SMIM13: variants seen among roughly 807,000 people sequenced by gnomAD.
SMIM13 encodes small integral membrane protein 13.
SMIM13 carries 3 observed loss-of-function variants against 5.9 expected under a neutral mutation model. The observed-to-expected ratio is 0.51, with a 90% confidence interval of 0.23 to 1.31. The LOEUF is 1.31. Ranked by LOEUF, SMIM13 falls within the 40% of genes most tolerant of loss-of-function variation. The pLI, the probability that SMIM13 is intolerant of heterozygous loss-of-function variation, is 0.18. For synonymous variants in SMIM13, 55 were observed against 46.0 expected, an observed-to-expected ratio of 1.19 and a Z score of -0.79; for missense variants, 85 against 109.9, an observed-to-expected ratio of 0.77 and a Z score of 1.01.
chr6:11,122,083 G>A (rs1238365344), intron 1 of SMIM13, among the ~76,000 whole-genome samples: 1 of 152,160 alleles, frequency 6.6e-6, no homozygotes, highest in Non-Finnish European at 1.5e-5. Flanking sequence ...TTCACTGGCA[G>A]CAGCACTCAT....
intron 1 of SMIM13, among the ~76,000 whole-genome samples, chr6:11,095,805 T>G (rs1757915905): frequency 6.6e-6 from 1 of 152,230 alleles, no homozygotes; most frequent in Non-Finnish European, 1.5e-5. Flanking sequence ...ATTAGAATAT[T>G]GAACTAATTG....
chr6:11,133,428 G>A (rs1481823229), intron 1 of SMIM13, among the ~76,000 whole-genome samples: 1 of 152,078 alleles, frequency 6.6e-6, no homozygotes, highest in Non-Finnish European at 1.5e-5. Flanking sequence ...CTCCCCTTAC[G>A]TATCTGTTTA....
Position 11,127,659 on chromosome 6 carries a change from T to G in SMIM13, c.77-6744T>G, listed in dbSNP as rs574173963. On this transcript the variant is annotated intron_variant, in intron 1 of 1. Transcript: ENST00000416247. ...AGGAAGACGCAAAAGTGGAAACCTC[T>G]GATAAAACCATCAGATCTCGTGAGA... 1.7e-3 allele frequency among the ~76,000 whole-genome samples: 264 copies of G among 152,328 alleles called. 3 individuals are homozygous for G. Among genetic ancestry groups the G allele is most frequent in the African/African-American group, 5.9e-3 (246 of 41,568 alleles).
At chr6:11,108,986 T>C (rs2113648485) in intron 1 of SMIM13, among the ~76,000 whole-genome samples, 1 of 152,338 alleles carries the variant, frequency 6.6e-6, no homozygotes, top group East Asian at 1.9e-4. Flanking sequence ...CTTTCATTCC[T>C]TCTATCAGAT....
intron 1 of SMIM13, chr6:11,103,914 G>T: frequency 1.3e-6 from 2 of 1,551,650 alleles, no homozygotes; most frequent in Non-Finnish European, 1.7e-6. Context: ...ACCCTGAGTG[G>T]CTCGTTCCCG....
intron 1 of SMIM13, among the ~76,000 whole-genome samples, chr6:11,129,465 G>C (rs1758422602): frequency 1.3e-5 from 2 of 152,170 alleles, no homozygotes; most frequent in African/African-American, 4.8e-5. Flanking sequence ...TTTTGCTATT[G>C]TGAATAGTTC....
At chr6:11,133,475 G>A (rs1278676179) in intron 1 of SMIM13, among the ~76,000 whole-genome samples, 1 of 152,148 alleles carries the variant, frequency 6.6e-6, no homozygotes, top group Non-Finnish European at 1.5e-5. Context: ...AAAGCTGGTT[G>A]TATTTTGTTT....
chr6:11,098,092 A>T (rs895249199), intron 1 of SMIM13, among the ~76,000 whole-genome samples: 1 of 152,122 alleles, frequency 6.6e-6, no homozygotes, highest in African/African-American at 2.4e-5. Flanking sequence ...TTGAGTGTCT[A>T]CCAGGAACTG....
chr6:11,116,684 A>G (rs999072338), intron 1 of SMIM13, among the ~76,000 whole-genome samples: 5 of 152,184 alleles, frequency 3.3e-5, no homozygotes, highest in Non-Finnish European at 7.4e-5. Context: ...TAACACCTGT[A>G]GGATCTGATA....
chr6:11,114,855 C>T (rs1339106074), intron 1 of SMIM13, among the ~76,000 whole-genome samples: 1 of 151,992 alleles, frequency 6.6e-6, no homozygotes, highest in African/African-American at 2.4e-5. Context: ...CTACCTTGGC[C>T]TCCCAAAGTG....
chr6:11,110,908 T>C lies in SMIM13; in HGVS notation c.76+16519T>C, dbSNP rs181416270. On this transcript the variant is annotated intron_variant, in intron 1 of 1. Coordinates refer to ENST00000416247, the MANE Select transcript of SMIM13 (RefSeq NM_001135575.2). ...GGTGGGGTCCTTAAGGGCTACAGAG[T>C]GAGGTCCTATGCAAGCAAGCAAACC... Among the ~76,000 whole-genome samples, 758 of 151,866 alleles carry C rather than the reference T, an allele frequency of 5.0e-3. 1 individual carries two copies. The highest frequency in any genetic ancestry group is 0.024 in the South Asian group (116 of 4,800).
At chr6:11,099,198 C>T (rs1391246518) in intron 1 of SMIM13, among the ~76,000 whole-genome samples, 6 of 151,466 alleles carry the variant, frequency 4.0e-5, no homozygotes, top group Non-Finnish European at 5.9e-5. Flanking sequence ...TTTTTTGAGA[C>T]GGAGTCTAGC....
intron 1 of SMIM13, among the ~76,000 whole-genome samples, chr6:11,132,497 A>G (rs887980954): frequency 3.9e-5 from 6 of 152,376 alleles, no homozygotes; most frequent in Admixed American, 2.6e-4. Flanking sequence ...TTTGTTTCTT[A>G]TAATAGCCAA....
chr6:11,104,885 A>G, intron 1 of SMIM13: 1 of 1,614,228 alleles, frequency 6.2e-7, no homozygotes, highest in Non-Finnish European at 8.5e-7. Flanking sequence ...TACAGACTGT[A>G]CTTGGAAGAG....
intron 1 of SMIM13, chr6:11,105,488 A>G (rs984709868): frequency 1.2e-5 from 7 of 590,156 alleles, no homozygotes; most frequent in Non-Finnish European, 2.1e-5. Flanking sequence ...CTTTTTGTTT[A>G]AAGAGGAATT....
rs1758031814 is a variant in SMIM13, at chr6:11,103,624, A to G, written c.76+9235A>G. ...GGATTGGCAAAAACCATATCCAGCC[A>G]GGTCCACGGGAGACGGGGCAGGATT... On this transcript the variant is annotated intron_variant, in intron 1 of 1. Coordinates refer to ENST00000416247, the MANE Select transcript of SMIM13 (RefSeq NM_001135575.2). 4 of 1,469,474 alleles carry G rather than the reference A, an allele frequency of 2.7e-6. No homozygotes were observed. The Admixed American group carries it at 1.1e-4, about 39-fold the overall frequency. The allele number at this position is 1,469,474 out of a possible 1,614,324, so 91.0% of individuals were successfully genotyped here.
chr6:11,104,356 T>C, intron 1 of SMIM13: 1 of 1,551,744 alleles, frequency 6.4e-7, no homozygotes, highest in Non-Finnish European at 8.7e-7. Flanking sequence ...ACATAGCCTA[T>C]GGTACAAGTT....
At chr6:11,103,884 G>T in intron 1 of SMIM13, 1 of 1,551,694 alleles carries the variant, frequency 6.4e-7, no homozygotes. Context: ...CCATTTCCAA[G>T]TTCCTTCCCA....
intron 1 of SMIM13, among the ~76,000 whole-genome samples, chr6:11,130,264 A>ACAAC (rs1399180587): frequency 1.5e-5 from 2 of 136,300 alleles, no homozygotes; most frequent in Admixed American, 7.0e-5. Flanking sequence ...AAAAAAAAAA[A>ACAAC]AAAAACAACA....
Sources: allele counts gnomAD v4.1 joint callset (sites outside exome capture counted in the v4.1 genomes callset), GRCh38; gene constraint gnomAD v4.1.1; transcripts MANE v1.5; gene names NCBI Gene and HGNC (gene_info 2026-07-23, HGNC 2026-07-21).